The following PRKAG1 variants were observed in gnomAD, a reference collection of about 807,000 sequenced individuals.
PRKAG1 encodes the protein protein kinase AMP-activated non-catalytic subunit gamma 1, also known as 5'-AMP-activated protein kinase subunit gamma-1.
A neutral mutation model predicts 48.2 loss-of-function variants in PRKAG1; 27 were observed. The ratio of observed to expected loss-of-function variants is 0.56; its 90% CI spans 0.41 to 0.77. PRKAG1 has a LOEUF of 0.77. Ranked by LOEUF, PRKAG1 falls within the 30% of genes least tolerant of loss-of-function variation. The pLI, the probability that PRKAG1 is intolerant of heterozygous loss-of-function variation, is 0.00. For missense variants in PRKAG1, 287 were observed against 398.3 expected (o/e 0.72, Z 2.38); for synonymous variants, 130 against 147.7 (o/e 0.88, Z 0.87).
intron 1 of PRKAG1, chr12:49,017,094 T>C (rs1370313569): frequency 2.2e-6 from 1 of 453,196 alleles, no homozygotes; most frequent in African/African-American, 2.0e-5. Flanking sequence ...TCTGTTTTCA[T>C]ATTGATGACA....
chr12:49,014,256 A>C (rs1354240759), intron 1 of PRKAG1, among the ~76,000 whole-genome samples: 1 of 152,222 alleles, frequency 6.6e-6, no homozygotes, highest in Non-Finnish European at 1.5e-5. Flanking sequence ...ACAGAAGAGA[A>C]GAAACCAATA....
Position 49,003,137 on chromosome 12 carries a change from T to C in PRKAG1, c.888+7A>G, listed in dbSNP as rs1304898914. On this transcript the variant is annotated splice_region_variant and intron_variant, in intron 11 of 11. Coordinates refer to ENST00000548065, the MANE Select transcript of PRKAG1 (RefSeq NM_002733.5). ...CTCAGCTCCTTTAGGGTTGCTGGCC[T>C]CCCTACCTCTGCTTCCACTAGCCTG... The C allele has an allele frequency of 1.9e-6, 3 of 1,614,050 alleles. No individual in the cohort carries two copies. Among genetic ancestry groups the C allele is most frequent in the African/African-American group, 2.7e-5 (2 of 75,026 alleles).
At chr12:49,014,689 C>A (rs1941899345) in intron 1 of PRKAG1, among the ~76,000 whole-genome samples, 1 of 152,228 alleles carries the variant, frequency 6.6e-6, no homozygotes, top group Non-Finnish European at 1.5e-5. Flanking sequence ...CACTCAGCAC[C>A]CTTGTGAGTC....
chr12:49,010,528 G>A (rs1029832181), intron 2 of PRKAG1, among the ~76,000 whole-genome samples: 4 of 152,106 alleles, frequency 2.6e-5, no homozygotes, highest in Non-Finnish European at 4.4e-5. Flanking sequence ...AGCTGTGCCC[G>A]AGTCCCTTGC....
At position 49,004,949 on chromosome 12, in the gene PRKAG1, G is replaced by T. The variant is rs1357199748; in HGVS notation, c.410+15C>A. The T allele has an allele frequency of 6.2e-7, 1 of 1,613,044 alleles. No homozygotes were observed. Among genetic ancestry groups the T allele is most frequent in the African/African-American group, 1.3e-5 (1 of 74,776 alleles). On this transcript the variant is annotated intron_variant, in intron 7 of 11. Coordinates refer to ENST00000548065, the MANE Select transcript of PRKAG1 (RefSeq NM_002733.5). ...TCTCTTCCGCTTTTTGGACAGATGG[G>T]TAACTGGAACTCACCTGGCATTAGG...
chr12:49,007,141 G>A (rs1381386932), intron 2 of PRKAG1, among the ~76,000 whole-genome samples: 1 of 151,794 alleles, frequency 6.6e-6, no homozygotes, highest in East Asian at 1.9e-4. Context: ...ATAAAAATTA[G>A]CCAGGCGTGG....
chr12:49,011,998 C>T (rs1941779182), intron 2 of PRKAG1, among the ~76,000 whole-genome samples: 1 of 152,148 alleles, frequency 6.6e-6, no homozygotes, highest in Non-Finnish European at 1.5e-5. Flanking sequence ...GCTGGGATTA[C>T]AGGCATGCAG....
chr12:49,013,946 G>A (rs1354656418), intron 1 of PRKAG1, among the ~76,000 whole-genome samples: 2 of 152,036 alleles, frequency 1.3e-5, no homozygotes, highest in African/African-American at 4.8e-5. Context: ...GTGCAGTGGC[G>A]TGATCTTGGC....
At chr12:49,017,687 T>C (rs1387392565) in intron 1 of PRKAG1, 1 of 153,398 alleles carries the variant, frequency 6.5e-6, no homozygotes, top group Non-Finnish European at 1.5e-5. Context: ...CTTATTTTTG[T>C]TTAAGATTAT....
At position 49,005,353 on chromosome 12, in the gene PRKAG1, T is replaced by C. The variant is rs1400145126; in HGVS notation, c.262A>G (p.Ile88Val). Reference protein sequence around the residue: ...KKQSFVGMLTITDFINILHRY... With the variant: ...KKQSFVGMLTVTDFINILHRY... Reference sequence around the variant, plus strand: ...TGCAGGATATTGATGAAATCAGTGATGGTCAGCATGCCTAGAGGACAAGAC... The same window carrying C: ...TGCAGGATATTGATGAAATCAGTGACGGTCAGCATGCCTAGAGGACAAGAC... Residue 88 changes from isoleucine (I) to valine (V), a missense_variant, in exon 5 of 12, where the codon ATC (isoleucine) becomes GTC (valine). By Grantham distance (29) the Ile-to-Val change is conservative (BLOSUM62 3). Coordinates refer to ENST00000548065, the MANE Select transcript of PRKAG1 (RefSeq NM_002733.5). This position sits in a 1 kb window ranked among gnomAD's most constrained non-coding sequence, Gnocchi z 4.1. 3 of 1,614,092 alleles carry C rather than the reference T, an allele frequency of 1.9e-6. No individual in the cohort carries two copies. Among genetic ancestry groups the C allele is most frequent in the Non-Finnish European group, 2.5e-6 (3 of 1,180,046 alleles).
chr12:49,015,301 A>ACTGTG (rs1301095345), intron 1 of PRKAG1, among the ~76,000 whole-genome samples: 4 of 152,252 alleles, frequency 2.6e-5, no homozygotes, highest in African/African-American at 9.6e-5. Flanking sequence ...TATATACTGT[A>ACTGTG]CTGTGCTACA....
In PRKAG1 at chr12:49,004,310, A is replaced by G. The variant is rs1440817914; in HGVS notation, c.537+197T>C. 5 of 636,430 alleles carry G rather than the reference A, an allele frequency of 7.9e-6. No individual in the cohort carries two copies. In the Admixed American group the frequency reaches 9.2e-5, roughly 12 times the overall value. 39.4% of individuals were successfully genotyped at this position (636,430 alleles called of 1,614,324 possible). ...TTGTCTCAAAATAAATTAATAAATA[A>G]ATAAGAAGTGGGGCTGGATGCAGTG... On this transcript the variant is annotated intron_variant, in intron 8 of 11. Transcript: ENST00000548065.
At chr12:49,004,410 C>T (rs1941430633) in intron 8 of PRKAG1, 97 bp downstream of exon 8, 7 of 1,502,334 alleles carry the variant, frequency 4.7e-6, no homozygotes, top group Non-Finnish European at 6.4e-6. Flanking sequence ...TTGACACTAG[C>T]CTGAGCAACA....
At chr12:49,016,652 GTTC>G (rs1357549937) in intron 1 of PRKAG1, 3 of 154,428 alleles carry the variant, frequency 1.9e-5, no homozygotes, top group African/African-American at 7.2e-5. Flanking sequence ...AAATCTATCT[GTTC>G]TTCAATTTAT....
chr12:49,003,647 C>T, intron 9 of PRKAG1, 52 bp from the exon 10 acceptor site: 1 of 1,612,034 alleles, frequency 6.2e-7, no homozygotes, highest in Non-Finnish European at 8.5e-7. Flanking sequence ...TAAAGCTCCC[C>T]CTACTCATAG....
At position 49,002,676 on chromosome 12, in the gene PRKAG1, C is replaced by A. The variant is rs2137647357; in HGVS notation, c.*223G>T. 2 of 636,258 alleles carry A rather than the reference C, an allele frequency of 3.1e-6. No individual in the cohort carries two copies. Among genetic ancestry groups the A allele is most frequent in the South Asian group, 1.7e-5 (1 of 59,378 alleles). 39.4% of individuals were successfully genotyped at this position (636,258 alleles called of 1,614,324 possible). A position where few individuals can be genotyped will look rare whatever the true frequency, so the allele number is the denominator to read the frequency against. ...CTAAGAGGACAGGGGCTAGAACTGG[C>A]TAGGCTGAAAGTTTTTTCAAGTGTA... is the stretch of plus-strand genomic sequence containing the variant. On this transcript the variant is annotated 3_prime_UTR_variant, in exon 12 of 12. Transcript: ENST00000548065.
At chr12:49,018,467 G>C (rs1942094614) in intron 1 of PRKAG1, 2 of 1,351,402 alleles carry the variant, frequency 1.5e-6, no homozygotes, top group Non-Finnish European at 9.5e-7. Flanking sequence ...CGGCATACGT[G>C]GGCCCCAAGG....
chr12:49,006,318 A>C (rs2137659659), intron 2 of PRKAG1, among the ~76,000 whole-genome samples: 1 of 152,148 alleles, frequency 6.6e-6, no homozygotes, highest in East Asian at 1.9e-4. Flanking sequence ...GCAGAGGATC[A>C]CTTGAACCCA....
chr12:49,014,763 TAG>T (rs1941902639), intron 1 of PRKAG1, among the ~76,000 whole-genome samples: 1 of 152,240 alleles, frequency 6.6e-6, no homozygotes, highest in African/African-American at 2.4e-5. Flanking sequence ...AGTCTGAGAT[TAG>T]AGAGTGCTTT....
Sources: allele counts gnomAD v4.1 joint callset (sites outside exome capture counted in the v4.1 genomes callset), GRCh38; gene constraint gnomAD v4.1.1; non-coding constraint Gnocchi (gnomAD v3.1); transcripts MANE v1.5; gene names NCBI Gene and HGNC (gene_info 2026-07-23, HGNC 2026-07-21).